COL16A1: variants seen among roughly 807,000 people sequenced by gnomAD.
COL16A1 encodes collagen type XVI alpha 1 chain, also known as collagen alpha-1(XVI) chain.
COL16A1 carries 189 observed loss-of-function variants against 266.3 expected under a neutral mutation model. The ratio of observed to expected loss-of-function variants is 0.71; its 90% CI spans 0.63 to 0.80. The LOEUF (loss-of-function observed/expected upper bound fraction) is 0.80. COL16A1 is among the 30% of genes least tolerant of loss of function. The probability of loss-of-function intolerance (pLI) is 0.00; values close to 1 mark genes in which losing one functional copy is unlikely to be tolerated. For synonymous variants in COL16A1, 740 were observed against 782.3 expected (o/e 0.95, Z 0.90); for missense variants, 1,928 against 2,122.4 (o/e 0.91, Z 1.80).
In COL16A1 at chr1:31,682,969, C is replaced by G. The variant is rs771923747; in HGVS notation, c.2503G>C (p.Val835Leu). 1.9e-6 allele frequency: 3 copies of G among 1,613,896 alleles called. No individual in the cohort carries two copies. Among genetic ancestry groups the G allele is most frequent in the African/African-American group, 2.7e-5 (2 of 74,910 alleles). Residue 835 changes from valine (V) to leucine (L), a missense_variant, in exon 37 of 71, where the codon GTG becomes CTG. By Grantham distance (32) the Val-to-Leu change is conservative (BLOSUM62 1). This residue lies in a region of COL16A1 where 1,552 missense variants were observed against 1,637.2 expected (regional missense o/e 0.95). Transcript: ENST00000373672. ...GAGACACTGGCCCCAGGAGGTCCCA[C>G]AGGTCCGGTGGCTCCTTTCACCCCT... ...SPGVKGATGP[V>L]GPPGASVSGP... is the part of the protein sequence containing the mutation.
Position 31,683,985 on chromosome 1 carries a change from C to T in COL16A1, c.2302G>A (p.Gly768Arg). ...PGKPGQPGLP[G>R]VQGPPGLKGV... ...TTCAGTCCTGGGGGCCCTTGAACTC[C>T]TGGTAGACCGGGTTGGCCCTAAAAG... Residue 768 changes from glycine to arginine, a missense_variant, in exon 33 of 71, where the codon GGA (glycine) becomes AGA (arginine). Gly to Arg is a moderately radical substitution (Grantham distance 125). Transcript: ENST00000373672. The T allele has an allele frequency of 1.2e-6, 2 of 1,614,228 alleles. No individual in the cohort carries two copies. Among genetic ancestry groups the T allele is most frequent in the East Asian group, 2.2e-5 (1 of 44,884 alleles).
Position 31,688,578 on chromosome 1 carries a change from A to C in COL16A1, c.1768-76T>G. On this transcript the variant is annotated intron_variant, in intron 25 of 70. Coordinates refer to ENST00000373672, the MANE Select transcript of COL16A1 (RefSeq NM_001856.4). This position sits in a 1 kb window ranked among gnomAD's most constrained non-coding sequence, Gnocchi z 4.9. ...CAAGGCTCCCCGGGTCCCAGTGTCC[A>C]ACCAGAAACAGAACGGTAAGATAGG... 6.4e-7 allele frequency: 1 copy of C among 1,574,526 alleles called. No homozygotes were observed. Among genetic ancestry groups the C allele is most frequent in the Non-Finnish European group, 8.7e-7 (1 of 1,144,176 alleles).
At chr1:31,666,141 G>T in intron 52 of COL16A1, 60 bp from the exon 53 acceptor site, 1 of 1,549,244 alleles carries the variant, frequency 6.5e-7, no homozygotes, top group Non-Finnish European at 8.8e-7. Flanking sequence ...GATGAGGTAG[G>T]GGGATGTGAC....
intron 42 of COL16A1, 92 bp downstream of exon 42, chr1:31,679,540 G>A: frequency 6.2e-7 from 1 of 1,613,972 alleles, no homozygotes; most frequent in African/African-American, 1.3e-5. Flanking sequence ...TTTTGGGGTG[G>A]GGGAGCAGCA....
chr1:31,681,702 CAGG>C (rs928743004), intron 37 of COL16A1, among the ~76,000 whole-genome samples: 3 of 152,248 alleles, frequency 2.0e-5, no homozygotes, highest in Admixed American at 6.5e-5. Context: ...CTGCTCAGGC[CAGG>C]AGAAGCCAGC....
chr1:31,702,431 C>T (rs887444379), intron 1 of COL16A1, among the ~76,000 whole-genome samples: 6 of 152,170 alleles, frequency 3.9e-5, no homozygotes, highest in African/African-American at 1.4e-4. Context: ...AATATTTAAC[C>T]ACCGGTATGG....
chr1:31,701,666 G>T, intron 2 of COL16A1: 2 of 708,762 alleles, frequency 2.8e-6, no homozygotes, highest in Non-Finnish European at 1.7e-6. Flanking sequence ...GAGCTAGAGG[G>T]ATGGAGTCTC....
chr1:31,662,565 C>T (rs751987909), intron 57 of COL16A1, 22 bp downstream of exon 57: 14 of 1,560,680 alleles, frequency 9.0e-6, no homozygotes, highest in African/African-American at 4.1e-5. Context: ...ACGTCTGCCA[C>T]GCTGAAAGGG....
intron 19 of COL16A1, 56 bp downstream of exon 19, chr1:31,691,360 AG>A: frequency 6.3e-7 from 1 of 1,585,614 alleles, no homozygotes; most frequent in East Asian, 2.2e-5. Flanking sequence ...TTCCCTGGCC[AG>A]GGTGGGAGAG....
intron 18 of COL16A1, 21 bp from the exon 19 acceptor site, chr1:31,691,533 G>A: frequency 6.2e-7 from 1 of 1,613,942 alleles, no homozygotes; most frequent in Non-Finnish European, 8.5e-7. Context: ...CATAAGGTGG[G>A]CATCAGAGAG....
Position 31,657,325 on chromosome 1 carries a change from G to A in COL16A1, c.4021-257C>T. ...TACAAGGGAAGAACAGACCGTGCCT[G>A]CCTTGCTGTGTGCTTGGATCCTGGC... On this transcript the variant is annotated intron_variant, in intron 64 of 70. Coordinates refer to ENST00000373672, the MANE Select transcript of COL16A1 (RefSeq NM_001856.4). This position sits in a 1 kb window ranked among gnomAD's most constrained non-coding sequence, Gnocchi z 6.4. 1 of 553,828 alleles carries A rather than the reference G, an allele frequency of 1.8e-6. No homozygotes were observed. Among genetic ancestry groups the A allele is most frequent in the Middle Eastern group, 4.8e-4 (1 of 2,088 alleles). The allele number at this position is 553,828 out of a possible 1,614,324, so 34.3% of individuals were successfully genotyped here.
In COL16A1 at chr1:31,670,456, G is replaced by A; in HGVS notation, c.3195+146C>T. 2.8e-6 allele frequency: 3 copies of A among 1,084,224 alleles called. No individual in the cohort carries two copies. The highest frequency in any genetic ancestry group is 2.4e-6 in the Non-Finnish European group (2 of 825,316). The allele number at this position is 1,084,224 out of a possible 1,614,324, so 67.2% of individuals were successfully genotyped here. Reference sequence around the variant, plus strand: ...ATGTCCAAGCTGCCGGGACCTCAGAGAACCCGTGTCGTTAGCTACCGTGCC... The same window carrying A: ...ATGTCCAAGCTGCCGGGACCTCAGAAAACCCGTGTCGTTAGCTACCGTGCC... On this transcript the variant is annotated intron_variant, in intron 49 of 70. Transcript: ENST00000373672. This position sits in a 1 kb window ranked among gnomAD's most constrained non-coding sequence, Gnocchi z 4.5.
At chr1:31,661,845 C>T in intron 58 of COL16A1, 141 bp from the exon 59 acceptor site, 1 of 906,584 alleles carries the variant, frequency 1.1e-6, no homozygotes, top group Non-Finnish European at 1.7e-6. Context: ...CAGCCTCTGA[C>T]TGGCTGTGGA....
intron 1 of COL16A1, among the ~76,000 whole-genome samples, chr1:31,703,302 C>T (rs1644785274): frequency 2.0e-5 from 3 of 152,196 alleles, no homozygotes; most frequent in African/African-American, 7.2e-5. Flanking sequence ...TTCCCTCAAT[C>T]ATGGATAGGA....
At position 31,668,986 on chromosome 1, in the gene COL16A1, G is replaced by T; in HGVS notation, c.3196-131C>A. On this transcript the variant is annotated intron_variant, in intron 49 of 70. Transcript: ENST00000373672. This position sits in a 1 kb window ranked among gnomAD's most constrained non-coding sequence, Gnocchi z 5.8. ...TGGAGGCCATAGTGGCTCTCGTAGTGTCCCTAGAAGGTGACCCGTAATGGG... is the reference window on the plus strand; with the variant it reads ...TGGAGGCCATAGTGGCTCTCGTAGTTTCCCTAGAAGGTGACCCGTAATGGG... 1.3e-6 allele frequency: 1 copy of T among 763,248 alleles called. No individual in the cohort carries two copies. The highest frequency in any genetic ancestry group is 2.1e-6 in the Non-Finnish European group (1 of 475,542). The allele number at this position is 763,248 out of a possible 1,614,324, so 47.3% of individuals were successfully genotyped here.
chr1:31,653,956 C>T lies in COL16A1; in HGVS notation c.4445G>A (p.Gly1482Asp), dbSNP rs756522845. ...TGGAGCACCTGGCCTGCCCGGAGCA[C>T]CATCCTTCCCTGGAGGCCCTGGTCG... ...PGRPGPPGKD[G>D]APGRPGAPGS... is the part of the protein sequence containing the mutation. Residue 1482 changes from glycine (G) to aspartate (D), a missense_variant, in exon 69 of 71, where the codon GGT (glycine) becomes GAT (aspartate). By Grantham distance (94) the Gly-to-Asp change is moderately conservative. Transcript: ENST00000373672. 3 of 1,614,074 alleles carry T rather than the reference C, an allele frequency of 1.9e-6. No individual in the cohort carries two copies. Among genetic ancestry groups the T allele is most frequent in the Middle Eastern group, 1.6e-4 (1 of 6,084 alleles).
At position 31,672,813 on chromosome 1, in the gene COL16A1, G is replaced by A; in HGVS notation, c.2887C>T (p.Gln963Ter). The A allele has an allele frequency of 6.2e-7, 1 of 1,614,090 alleles. No homozygotes were observed. Among genetic ancestry groups the A allele is most frequent in the Non-Finnish European group, 8.5e-7 (1 of 1,179,970 alleles). Reference sequence around the variant, plus strand: ...ACGAGGTACCCTGGGTGGGCCCTCTGCCCCTGGACACAGTCCCCGCAGATA... The same window carrying A: ...ACGAGGTACCCTGGGTGGGCCCTCTACCCCTGGACACAGTCCCCGCAGATA... The part of the protein sequence containing the change: ...KSICGDCVQG[Q>*]RAHPGYLVEK... The change falls in exon 45 of 71, where the codon CAG becomes TAG. Residue 963 changes from glutamine (Q) to a stop codon, truncating the protein, a stop_gained. Transcript: ENST00000373672. LOFTEE classifies it high-confidence loss of function.
At position 31,692,025 on chromosome 1, in the gene COL16A1, G is replaced by A. The variant is rs1478053201; in HGVS notation, c.1237C>T (p.Pro413Ser). The A allele has an allele frequency of 6.2e-7, 1 of 1,613,856 alleles. No individual in the cohort carries two copies. Among genetic ancestry groups the A allele is most frequent in the Non-Finnish European group, 8.5e-7 (1 of 1,180,006 alleles). The change falls in exon 17 of 71, where the codon CCG becomes TCG. Residue 413 changes from proline (P) to serine (S), a missense_variant. Physicochemically the swap from Pro to Ser is moderately conservative, Grantham distance 74. Transcript: ENST00000373672. ...CCTACGTCCCGGCCTGGCTTTCCCGGCACGCCCTTGATGCCTCCGTCGCCC... is the reference window on the plus strand; with the variant it reads ...CCTACGTCCCGGCCTGGCTTTCCCGACACGCCCTTGATGCCTCCGTCGCCC... ...EKGDGGIKGV[P>S]GKPGRDGRPG...
Position 31,656,930 on chromosome 1 carries a change from G to A in COL16A1, c.4056+103C>T, listed in dbSNP as rs926268808. 2.1e-5 allele frequency: 32 copies of A among 1,513,312 alleles called. No individual in the cohort carries two copies. The highest frequency in any genetic ancestry group is 9.1e-5 in the East Asian group (4 of 44,116). 93.7% of individuals were successfully genotyped at this position (1,513,312 alleles called of 1,614,324 possible). A position where few individuals can be genotyped will look rare whatever the true frequency, so the allele number is the denominator to read the frequency against. ...GGTTAACAATTTCCAGAGACAGCCCGTACATAGAAGGAATGTTTACTGAAA... is the reference window on the plus strand; with the variant it reads ...GGTTAACAATTTCCAGAGACAGCCCATACATAGAAGGAATGTTTACTGAAA... On this transcript the variant is annotated intron_variant, in intron 65 of 70. Transcript: ENST00000373672. The surrounding 1 kb of genome is among the most constrained non-coding windows in gnomAD (Gnocchi z 4.2).
Sources: allele counts gnomAD v4.1 joint callset (sites outside exome capture counted in the v4.1 genomes callset), GRCh38; gene constraint gnomAD v4.1.1; regional missense constraint gnomAD v4.1.1; non-coding constraint Gnocchi (gnomAD v3.1); transcripts MANE v1.5; gene names NCBI Gene and HGNC (gene_info 2026-07-23, HGNC 2026-07-21).